The following LIN7A variants were observed in gnomAD, a reference collection of about 807,000 sequenced individuals.
LIN7A encodes the protein protein lin-7 homolog A.
A neutral mutation model predicts 29.8 loss-of-function variants in LIN7A; 25 were observed. That is an observed-to-expected ratio of 0.84 (90% CI 0.61 to 1.17). LIN7A has a LOEUF of 1.17. Among genes scored for constraint, LIN7A ranks in the 50% most tolerant of loss-of-function variants. LIN7A has a pLI of 0.00. For missense variants in LIN7A, 239 were observed against 287.0 expected (o/e 0.83, Z 1.21); for synonymous variants, 118 against 107.5 (o/e 1.10, Z -0.60).
chr12:80,850,407 G>A (rs1166577251), intron 2 of LIN7A, among the ~76,000 whole-genome samples: 1 of 152,106 alleles, frequency 6.6e-6, no homozygotes, highest in Non-Finnish European at 1.5e-5. Context: ...GCTGTTGCTG[G>A]CATTTGATGT....
chr12:80,811,976 A>G (rs1257776370), intron 4 of LIN7A, among the ~76,000 whole-genome samples: 1 of 152,228 alleles, frequency 6.6e-6, no homozygotes, highest in South Asian at 2.1e-4. Flanking sequence ...TCCAAATTTT[A>G]TCTGGAAGAG....
At chr12:80,883,914 A>G (rs1875195377) in intron 2 of LIN7A, among the ~76,000 whole-genome samples, 1 of 152,222 alleles carries the variant, frequency 6.6e-6, no homozygotes, top group Admixed American at 6.5e-5. Flanking sequence ...GAAAATTCCC[A>G]TTCCCTTCAA....
intron 1 of LIN7A, among the ~76,000 whole-genome samples, chr12:80,929,162 C>G (rs1230551545): frequency 1.3e-5 from 2 of 152,064 alleles, no homozygotes; most frequent in Admixed American, 1.3e-4. Flanking sequence ...TACTTTTGCA[C>G]CAACCTAATA....
chr12:80,932,563 GAA>G (rs1245638080), intron 1 of LIN7A, among the ~76,000 whole-genome samples: 2 of 152,180 alleles, frequency 1.3e-5, no homozygotes, highest in African/African-American at 4.8e-5. Context: ...ATGTCATAAG[GAA>G]AGTATTAGAA....
At chr12:80,808,313 A>G (rs1871137248) in intron 5 of LIN7A, among the ~76,000 whole-genome samples, 1 of 152,086 alleles carries the variant, frequency 6.6e-6, no homozygotes, top group Non-Finnish European at 1.5e-5. Flanking sequence ...TTACTCTGCA[A>G]AGTACTGGTC....
At chr12:80,880,286 A>ATCTACAAG in intron 2 of LIN7A, among the ~76,000 whole-genome samples, 1 of 152,074 alleles carries the variant, frequency 6.6e-6, no homozygotes, top group East Asian at 1.9e-4. Flanking sequence ...ACATCTACAA[A>ATCTACAAG]GAAGTCCATC....
At chr12:80,799,370 T>G (rs1279956765) in intron 5 of LIN7A, among the ~76,000 whole-genome samples, 1 of 152,246 alleles carries the variant, frequency 6.6e-6, no homozygotes, top group Non-Finnish European at 1.5e-5. Context: ...GGCAGAATAG[T>G]GCCTCCTCGT....
intron 2 of LIN7A, among the ~76,000 whole-genome samples, chr12:80,862,756 A>G (rs1052783292): frequency 3.3e-5 from 5 of 152,212 alleles, no homozygotes; most frequent in Admixed American, 6.5e-5. Context: ...ATAGATGGCA[A>G]AAAGCCCACT....
At chr12:80,931,281 TTTC>T (rs144016384) in intron 1 of LIN7A, among the ~76,000 whole-genome samples, 7,569 of 152,258 alleles carry the variant, frequency 0.05, 241 homozygotes, top group Middle Eastern at 0.088. Flanking sequence ...ATTCACCAAA[TTTC>T]TTATTTTTGT....
chr12:80,872,830 T>G (rs1489088369), intron 2 of LIN7A, among the ~76,000 whole-genome samples: 1 of 152,224 alleles, frequency 6.6e-6, no homozygotes, highest in African/African-American at 2.4e-5. Flanking sequence ...AAAGAAATTT[T>G]TATAGAATCC....
chr12:80,925,191 C>A (rs1200596739), intron 1 of LIN7A, among the ~76,000 whole-genome samples: 1 of 152,074 alleles, frequency 6.6e-6, no homozygotes, highest in Admixed American at 6.6e-5. Flanking sequence ...GGGTGACAGC[C>A]ATATAGAAGA....
intron 4 of LIN7A, among the ~76,000 whole-genome samples, chr12:80,821,946 G>A (rs778157240): frequency 3.2e-4 from 48 of 152,320 alleles, no homozygotes; most frequent in Non-Finnish European, 5.4e-4. Context: ...CAGGCCAGAC[G>A]TGTGTGCACT....
At chr12:80,808,514 T>C (rs886107093) in intron 5 of LIN7A, among the ~76,000 whole-genome samples, 7 of 150,780 alleles carry the variant, frequency 4.6e-5, no homozygotes, top group Middle Eastern at 3.4e-3. Flanking sequence ...TTTCTTTTTT[T>C]TTTTTTTTTG....
chr12:80,927,262 G>C (rs546591983), intron 1 of LIN7A, among the ~76,000 whole-genome samples: 34 of 144,254 alleles, frequency 2.4e-4, no homozygotes, highest in African/African-American at 7.7e-4. Flanking sequence ...TCCGGCTTCA[G>C]GCGATTCACC....
At chr12:80,904,942 C>G (rs1037080386) in intron 1 of LIN7A, among the ~76,000 whole-genome samples, 5 of 151,904 alleles carry the variant, frequency 3.3e-5, no homozygotes, top group African/African-American at 1.2e-4. Flanking sequence ...TTCAAAGATT[C>G]AGCAATTAGT....
intron 2 of LIN7A, among the ~76,000 whole-genome samples, chr12:80,855,372 A>G (rs1047526107): frequency 4.6e-5 from 7 of 152,144 alleles, no homozygotes; most frequent in African/African-American, 1.7e-4. Context: ...ATTAATATCT[A>G]TACCTATCTA....
At chr12:80,845,686 G>C (rs756855265) in intron 4 of LIN7A, 44 bp downstream of exon 4, 1 of 1,498,084 alleles carries the variant, frequency 6.7e-7, no homozygotes, top group Admixed American at 2.0e-5. Context: ...CAAAAAAAAA[G>C]AATGTGCTTA....
At chr12:80,886,674 A>C (rs1187656210) in intron 2 of LIN7A, among the ~76,000 whole-genome samples, 8 of 152,094 alleles carry the variant, frequency 5.3e-5, no homozygotes, top group African/African-American at 1.9e-4. Flanking sequence ...TAAAAATGTA[A>C]GGTAGATAAA....
At chr12:80,841,305 A>G (rs1287679253) in intron 4 of LIN7A, among the ~76,000 whole-genome samples, 1 of 150,586 alleles carries the variant, frequency 6.6e-6, no homozygotes, top group African/African-American at 2.4e-5. Flanking sequence ...AGAAAGAAAA[A>G]AGAAAAGAAA....
Sources: gnomAD v4.1 joint callset for allele counts (sites outside exome capture counted in the v4.1 genomes callset) on GRCh38, gnomAD v4.1.1 for gene constraint, MANE v1.5 for transcripts, NCBI Gene and HGNC (gene_info 2026-07-23, HGNC 2026-07-21) for gene names.